The following H6PD variants were observed in gnomAD, a reference collection of about 807,000 sequenced individuals.
H6PD encodes the protein hexose-6-phosphate dehydrogenase/glucose 1-dehydrogenase, also known as GDH/6PGL endoplasmic bifunctional protein.
H6PD carries 48 observed loss-of-function variants against 61.2 expected under a neutral mutation model. That is an observed-to-expected ratio of 0.78 (90% confidence interval 0.62 to 1.00). The LOEUF (loss-of-function observed/expected upper bound fraction) is 1.00. H6PD is among the 50% of genes least tolerant of loss of function. The pLI is 0.00. For missense variants in H6PD, 1,093 were observed against 1,065.0 expected (o/e 1.03, Z -0.37); for synonymous variants, 480 against 457.9 (o/e 1.05, Z -0.62).
chr1:9,254,814 A>G lies in H6PD; in HGVS notation c.746-7245A>G, dbSNP rs1226977169. 6.6e-6 allele frequency among the ~76,000 whole-genome samples: 1 copy of G among 152,178 alleles called. No individual in the cohort carries two copies. Among genetic ancestry groups the G allele is most frequent in the Non-Finnish European group, 1.5e-5 (1 of 68,038 alleles). ...TCAGTACCACAATCAATTTTAGGAC[A>G]TGTTCATCACGGCAAAGGAAGCCCT... On this transcript the variant is annotated intron_variant, in intron 3 of 4. Coordinates refer to ENST00000377403, the MANE Select transcript of H6PD (RefSeq NM_004285.4). The surrounding 1 kb of genome is among the most constrained non-coding windows in gnomAD (Gnocchi z 4.6).
intron 3 of H6PD, among the ~76,000 whole-genome samples, chr1:9,249,144 C>T (rs1570097601): frequency 1.3e-5 from 2 of 152,186 alleles, no homozygotes; most frequent in South Asian, 2.1e-4. Flanking sequence ...TTCCTATCTC[C>T]GCCCTGGGCT....
chr1:9,251,646 C>T (rs941795320), intron 3 of H6PD, among the ~76,000 whole-genome samples: 2 of 152,054 alleles, frequency 1.3e-5, no homozygotes, highest in South Asian at 2.1e-4. Flanking sequence ...CCAGCTGTCC[C>T]GCCTTCCAGC....
At chr1:9,258,574 T>C (rs1026063065) in intron 3 of H6PD, among the ~76,000 whole-genome samples, 2 of 152,202 alleles carry the variant, frequency 1.3e-5, no homozygotes, top group East Asian at 3.9e-4. Flanking sequence ...GGTGTTATAT[T>C]GTTATGCTGG....
In H6PD at chr1:9,265,340, A is replaced by C; in HGVS notation, c.*471A>C. On this transcript the variant is annotated 3_prime_UTR_variant, in exon 5 of 5. Coordinates refer to ENST00000377403, the MANE Select transcript of H6PD (RefSeq NM_004285.4). ...AGAAGGGTGCAGAGGCGCCCAGGGGAGTACATTGCCCCGTGCAAAGCAGGG... is the reference window on the plus strand; with the variant it reads ...AGAAGGGTGCAGAGGCGCCCAGGGGCGTACATTGCCCCGTGCAAAGCAGGG... 1 of 307,346 alleles carries C rather than the reference A, an allele frequency of 3.3e-6. No homozygotes were observed. Among genetic ancestry groups the C allele is most frequent in the East Asian group, 8.6e-5 (1 of 11,580 alleles). 19.0% of individuals were successfully genotyped at this position (307,346 alleles called of 1,614,324 possible).
At chr1:9,253,652 C>T (rs987688645) in intron 3 of H6PD, among the ~76,000 whole-genome samples, 1 of 152,196 alleles carries the variant, frequency 6.6e-6, no homozygotes, top group Non-Finnish European at 1.5e-5. Context: ...CTCCAGTGTG[C>T]GTTGTCTCCC....
At chr1:9,262,839 T>C (rs1047458769) in intron 4 of H6PD, among the ~76,000 whole-genome samples, 3 of 152,096 alleles carry the variant, frequency 2.0e-5, no homozygotes, top group African/African-American at 7.2e-5. Context: ...GCCAGGTGCT[T>C]TATAGATGCC....
At chr1:9,247,107 C>G in intron 3 of H6PD, 24 bp downstream of exon 3, 1 of 1,462,010 alleles carries the variant, frequency 6.8e-7, no homozygotes, top group Non-Finnish European at 9.6e-7. Flanking sequence ...CCTGCGCACT[C>G]GGTCCCCCAG....
At chr1:9,257,255 C>T (rs1367609252) in intron 3 of H6PD, among the ~76,000 whole-genome samples, 1 of 151,742 alleles carries the variant, frequency 6.6e-6, no homozygotes, top group African/African-American at 2.4e-5. Context: ...TCCTCCCACC[C>T]CAGCCTCCCA....
rs377180725 is a variant in H6PD at position 9,264,145 on chromosome 1, G to A, written c.1652G>A (p.Arg551Gln). The A allele has an allele frequency of 3.6e-5, 58 of 1,613,506 alleles. No individual in the cohort carries two copies. Among genetic ancestry groups the A allele is most frequent in the Middle Eastern group, 3.3e-4 (2 of 6,060 alleles). ...TTCCAGGTCCTCAGGGCCAAGTACC[G>A]AGAGAGCCCGCTGGTCTCCGCCTGG... is the stretch of plus-strand genomic sequence containing the variant. ...SDFQVLRAKYRESPLVSAWSE... is the reference protein window; with the variant it reads ...SDFQVLRAKYQESPLVSAWSE... The change falls in exon 5 of 5, where the codon CGA (arginine) becomes CAA (glutamine). Residue 551 changes from arginine (R) to glutamine (Q), a missense_variant. Coordinates refer to ENST00000377403, the MANE Select transcript of H6PD (RefSeq NM_004285.4).
chr1:9,256,622 G>A (rs1402559619), intron 3 of H6PD, among the ~76,000 whole-genome samples: 1 of 152,152 alleles, frequency 6.6e-6, no homozygotes, highest in Non-Finnish European at 1.5e-5. Context: ...GGAGCATGCT[G>A]GGCTCAGCAG....
chr1:9,238,775 CTT>C (rs2100304526), intron 1 of H6PD, among the ~76,000 whole-genome samples: 1 of 152,154 alleles, frequency 6.6e-6, no homozygotes, highest in African/African-American at 2.4e-5. Flanking sequence ...TAAATAAAGA[CTT>C]GGACGGATAG....
intron 1 of H6PD, among the ~76,000 whole-genome samples, chr1:9,242,326 C>G (rs1021414207): frequency 1.3e-5 from 2 of 150,774 alleles, no homozygotes; most frequent in African/African-American, 4.9e-5. Context: ...TTGAGAAACA[C>G]TGTAAAGGTT....
At chr1:9,239,529 C>CA (rs1445339581) in intron 1 of H6PD, among the ~76,000 whole-genome samples, 1 of 152,056 alleles carries the variant, frequency 6.6e-6, no homozygotes, top group Non-Finnish European at 1.5e-5. Context: ...AAAAAACAGA[C>CA]AAAAAACAAC....
chr1:9,251,148 C>T (rs537355598), intron 3 of H6PD, among the ~76,000 whole-genome samples: 3 of 152,344 alleles, frequency 2.0e-5, no homozygotes, highest in South Asian at 2.1e-4. Context: ...CCTCCTTCAT[C>T]CCAGAGATGA....
intron 4 of H6PD, among the ~76,000 whole-genome samples, chr1:9,262,690 C>T (rs1473554326): frequency 6.6e-6 from 1 of 152,236 alleles, no homozygotes; most frequent in African/African-American, 2.4e-5. Context: ...GCTGGAGACA[C>T]TTCCAGCGGC....
rs1638569040 is a variant in H6PD at position 9,266,627 on chromosome 1, A to C, written c.*1758A>C. ...CAGGCAGATATAAACTTTCTAGCGC[A>C]TTTTGAGAGAGGGCTTTCTTGGGTG... On this transcript the variant is annotated 3_prime_UTR_variant, in exon 5 of 5. Coordinates refer to ENST00000377403, the MANE Select transcript of H6PD (RefSeq NM_004285.4). The C allele has an allele frequency of 1.3e-5, 2 of 152,218 alleles. No individual in the cohort carries two copies. The highest frequency in any genetic ancestry group is 2.9e-5 in the Non-Finnish European group (2 of 68,106). 9.4% of individuals were successfully genotyped at this position (152,218 alleles called of 1,614,324 possible). A position where few individuals can be genotyped will look rare whatever the true frequency, so the allele number is the denominator to read the frequency against.
In H6PD at chr1:9,237,729, T is replaced by G. The variant is rs553715925; in HGVS notation, c.-11+2663T>G. 6.8e-4 allele frequency among the ~76,000 whole-genome samples: 104 copies of G among 152,354 alleles called. 1 individual carries two copies. The highest frequency in any genetic ancestry group is 2.4e-3 in the African/African-American group (98 of 41,588). On this transcript the variant is annotated intron_variant, in intron 1 of 4. Transcript: ENST00000377403. ...TTATTAAAAGTGTTGTTCCAAGTAG[T>G]AAGCTGCTGCTGTGTGCTGTGTCAC...
At chr1:9,237,191 C>T (rs985290679) in intron 1 of H6PD, among the ~76,000 whole-genome samples, 3 of 149,782 alleles carry the variant, frequency 2.0e-5, no homozygotes, top group African/African-American at 7.4e-5. Flanking sequence ...TATTCAAATC[C>T]TATCACCTCT....
rs771118768 is a variant in H6PD, at chr1:9,263,513, C to T, written c.1020C>T (p.Val340=). The stretch of plus-strand genomic sequence containing the variant: ...TCTGCTGTTCCCTCACCCCAGCCGT[C>T]CTAGTGCACATTGACAACCTTCGCT... ...FHSLTPTFAA[V]LVHIDNLRWE... The change falls in exon 5 of 5, where the codon GTC becomes GTT. Residue 340 remains valine, a synonymous_variant. Coordinates refer to ENST00000377403, the MANE Select transcript of H6PD (RefSeq NM_004285.4). 2.5e-6 allele frequency: 4 copies of T among 1,613,938 alleles called. No individual in the cohort carries two copies. The highest frequency in any genetic ancestry group is 3.4e-6 in the Non-Finnish European group (4 of 1,179,912).
Sources: gnomAD v4.1 joint callset for allele counts (sites outside exome capture counted in the v4.1 genomes callset) on GRCh38, gnomAD v4.1.1 for gene constraint, Gnocchi (gnomAD v3.1) non-coding constraint, MANE v1.5 for transcripts, NCBI Gene and HGNC (gene_info 2026-07-23, HGNC 2026-07-21) for gene names.